The following TAFA5 variants were observed in gnomAD, a reference collection of about 807,000 sequenced individuals.
The protein encoded by TAFA5 is chemokine-like protein TAFA-5.
A neutral mutation model predicts 15.3 loss-of-function variants in TAFA5; 6 were observed. The observed-to-expected ratio is 0.39, with a 90% CI of 0.21 to 0.77. The LOEUF (loss-of-function observed/expected upper bound fraction) is 0.77, where lower values mean the gene tolerates loss of function less well. TAFA5 is among the 30% of genes least tolerant of loss of function. The probability of loss-of-function intolerance (pLI) is 0.41; values close to 1 mark genes in which losing one functional copy is unlikely to be tolerated. For missense variants in TAFA5, 161 were observed against 193.1 expected (o/e 0.83, Z 0.98); for synonymous variants, 103 against 80.7 (o/e 1.28, Z -1.48).
chr22:48,672,897 T>G (rs1927845315), intron 2 of TAFA5, among the ~76,000 whole-genome samples: 1 of 152,204 alleles, frequency 6.6e-6, no homozygotes, highest in South Asian at 2.1e-4. Flanking sequence ...CACGTGCTGG[T>G]GGTTTTCATC....
At chr22:48,712,479 G>A in intron 3 of TAFA5, among the ~76,000 whole-genome samples, 1 of 152,254 alleles carries the variant, frequency 6.6e-6, no homozygotes, top group Non-Finnish European at 1.5e-5. Flanking sequence ...GAGAACATCT[G>A]TGTCAGGAGG....
intron 1 of TAFA5, among the ~76,000 whole-genome samples, chr22:48,518,717 A>G (rs133497): frequency 0.86 from 131,609 of 152,182 alleles, 57,449 homozygotes; most frequent in African/African-American, 0.95. Context: ...CAGAGGAAAC[A>G]GGTCCCCTAA....
At chr22:48,747,325 G>A (rs138017275) in intron 3 of TAFA5, among the ~76,000 whole-genome samples, 1,788 of 152,304 alleles carry the variant, frequency 0.012, 28 homozygotes, top group African/African-American at 0.032. Flanking sequence ...CCCTTCTCGT[G>A]GACCTGGCCT....
At chr22:48,593,744 T>G (rs893375758) in intron 1 of TAFA5, among the ~76,000 whole-genome samples, 11 of 152,156 alleles carry the variant, frequency 7.2e-5, no homozygotes, top group Non-Finnish European at 1.5e-4. Flanking sequence ...GGGCCATCCC[T>G]TAGCACGGCC....
At chr22:48,676,953 C>T (rs76669179) in intron 2 of TAFA5, among the ~76,000 whole-genome samples, 1 of 152,182 alleles carries the variant, frequency 6.6e-6, no homozygotes, top group Non-Finnish European at 1.5e-5. Flanking sequence ...CTGTCATTAC[C>T]ACTGGGCTCC....
At chr22:48,636,667 G>A (rs1926462447) in intron 1 of TAFA5, among the ~76,000 whole-genome samples, 1 of 77,410 alleles carries the variant, frequency 1.3e-5, no homozygotes, top group African/African-American at 5.4e-5. Context: ...CCTTGATGGT[G>A]CCCCCACTTG....
At chr22:48,546,695 C>A in intron 1 of TAFA5, 1 of 436,864 alleles carries the variant, frequency 2.3e-6, no homozygotes, top group South Asian at 1.7e-5. Context: ...GGGCTCACCT[C>A]CATTCCTCCA....
chr22:48,620,597 C>CCATACCCAT (rs1925766438), intron 1 of TAFA5, among the ~76,000 whole-genome samples: 4 of 142,804 alleles, frequency 2.8e-5, no homozygotes, highest in African/African-American at 7.8e-5. Flanking sequence ...CCACCCACCC[C>CCATACCCAT]CCTACCCATC....
intron 1 of TAFA5, among the ~76,000 whole-genome samples, chr22:48,644,405 C>T (rs1032047415): frequency 2.6e-5 from 4 of 152,240 alleles, no homozygotes; most frequent in South Asian, 2.1e-4. Context: ...GGCTCTGCAG[C>T]CTGGCCTGGG....
rs573809853 is a variant in TAFA5 at position 48,580,593 on chromosome 22, G to A, written c.113-66004G>A. On this transcript the variant is annotated intron_variant, in intron 1 of 3. Coordinates refer to ENST00000402357, the MANE Select transcript of TAFA5 (RefSeq NM_001082967.3). ...AGAGCAGCAAGGCTGTTCTTGGTGA[G>A]GGCTCGAGGCTGCACCGGGCTCCAT... 4.6e-5 allele frequency among the ~76,000 whole-genome samples: 7 copies of A among 152,304 alleles called. No individual in the cohort carries two copies. The South Asian group carries it at 1.5e-3, about 32-fold the overall frequency.
chr22:48,500,149 T>A (rs375820409), intron 1 of TAFA5, among the ~76,000 whole-genome samples: 1 of 152,140 alleles, frequency 6.6e-6, no homozygotes, highest in Non-Finnish European at 1.5e-5. Context: ...AGACCCTCAA[T>A]TTTAGGATGA....
At chr22:48,646,015 G>T (rs1926848689) in intron 1 of TAFA5, among the ~76,000 whole-genome samples, 1 of 152,174 alleles carries the variant, frequency 6.6e-6, no homozygotes, top group Non-Finnish European at 1.5e-5. Flanking sequence ...TGAACCCTTT[G>T]GCATCGATGC....
intron 1 of TAFA5, among the ~76,000 whole-genome samples, chr22:48,604,806 G>T (rs1423788097): frequency 6.6e-6 from 1 of 152,106 alleles, no homozygotes; most frequent in Non-Finnish European, 1.5e-5. Context: ...CTCTCTAAGG[G>T]TATGAGAGGT....
At chr22:48,522,313 C>G (rs1260614813) in intron 1 of TAFA5, among the ~76,000 whole-genome samples, 1 of 151,942 alleles carries the variant, frequency 6.6e-6, no homozygotes, top group African/African-American at 2.4e-5. Context: ...CTTGGGGGCT[C>G]TGAACAGGTG....
intron 1 of TAFA5, among the ~76,000 whole-genome samples, chr22:48,559,663 G>T (rs535534530): frequency 2.6e-5 from 4 of 152,240 alleles, no homozygotes; most frequent in African/African-American, 7.2e-5. Flanking sequence ...GACCTAGAGG[G>T]GATATGGGGT....
At chr22:48,621,720 G>A (rs758771518) in intron 1 of TAFA5, among the ~76,000 whole-genome samples, 5 of 152,200 alleles carry the variant, frequency 3.3e-5, no homozygotes, top group Non-Finnish European at 7.3e-5. Flanking sequence ...AGCAAGGCAG[G>A]GTGTGACAGT....
intron 1 of TAFA5, among the ~76,000 whole-genome samples, chr22:48,633,839 G>T (rs929972879): frequency 1.4e-4 from 21 of 152,208 alleles, no homozygotes; most frequent in Non-Finnish European, 1.6e-4. Context: ...GAAATACTGA[G>T]AAATTGAATG....
chr22:48,517,176 G>A (rs1406146254), intron 1 of TAFA5, among the ~76,000 whole-genome samples: 3 of 152,132 alleles, frequency 2.0e-5, no homozygotes, highest in Non-Finnish European at 4.4e-5. Flanking sequence ...AGGCTGCAGA[G>A]GCCTTTCCAG....
chr22:48,659,090 C>G (rs139940492), intron 2 of TAFA5, among the ~76,000 whole-genome samples: 1 of 152,222 alleles, frequency 6.6e-6, no homozygotes, highest in Non-Finnish European at 1.5e-5. Context: ...GAGGGCGCAG[C>G]GCCTTCTGGA....
Sources: gnomAD v4.1 joint callset for allele counts (sites outside exome capture counted in the v4.1 genomes callset) on GRCh38, gnomAD v4.1.1 for gene constraint, MANE v1.5 for transcripts, NCBI Gene and HGNC (gene_info 2026-07-23, HGNC 2026-07-21) for gene names.